ZFYVE27: variants seen among roughly 807,000 people sequenced by gnomAD.
ZFYVE27 encodes protrudin.
ZFYVE27 carries 36 observed loss-of-function variants against 52.8 expected under a neutral mutation model. The ratio of observed to expected loss-of-function variants is 0.68; its 90% confidence interval spans 0.52 to 0.90. The LOEUF is 0.90. ZFYVE27 is among the 40% of genes least tolerant of loss of function. The pLI, the probability that ZFYVE27 is intolerant of heterozygous loss-of-function variation, is 0.00. For synonymous variants in ZFYVE27, 223 were observed against 215.6 expected, an observed-to-expected ratio of 1.03 and a Z score of -0.30; for missense variants, 450 against 527.2, an observed-to-expected ratio of 0.85 and a Z score of 1.43.
chr10:97,749,626 C>T lies in ZFYVE27; in HGVS notation c.664+40C>T, dbSNP rs373224280. On this transcript the variant is annotated intron_variant, in intron 6 of 12. Coordinates refer to ENST00000684270, the MANE Select transcript of ZFYVE27 (RefSeq NM_001385875.1). ...GCCTGAAAGATGGGGCCCAAGCTGG[C>T]TCTGAGGGCTAGGCTAGGCTCCCCA... The T allele has an allele frequency of 3.9e-4, 601 of 1,539,614 alleles. 2 individuals are homozygous for T. Among genetic ancestry groups the T allele is most frequent in the Non-Finnish European group, 5.0e-4 (555 of 1,112,312 alleles).
intron 2 of ZFYVE27, among the ~76,000 whole-genome samples, chr10:97,742,536 C>A (rs1053726217): frequency 1.3e-5 from 2 of 152,112 alleles, no homozygotes; most frequent in Non-Finnish European, 2.9e-5. Context: ...AAAATAAAAT[C>A]TTTACTATTG....
chr10:97,743,835 G>T (rs1053129415), intron 3 of ZFYVE27, among the ~76,000 whole-genome samples: 1 of 152,194 alleles, frequency 6.6e-6, no homozygotes, highest in Admixed American at 6.5e-5. Flanking sequence ...AGTGCATACC[G>T]TGACCCTACC....
intron 6 of ZFYVE27, 67 bp from the exon 7 acceptor site, chr10:97,750,264 T>C: frequency 8.1e-6 from 13 of 1,596,402 alleles, no homozygotes; most frequent in Non-Finnish European, 1.1e-5. Flanking sequence ...CAGAAGTGGG[T>C]ACCCCTAAAG....
Position 97,738,674 on chromosome 10 carries a change from G to A in ZFYVE27, c.197G>A (p.Arg66Lys), listed in dbSNP as rs1406261151. 3.1e-6 allele frequency: 5 copies of A among 1,614,112 alleles called. No homozygotes were observed. The African/African-American group carries it at 6.7e-5, about 22-fold the overall frequency. ...GGTGATGGTGTTCGATACTTGCTCA[G>A]GTACAGACTTTGTGGAGTTGCTCTG... is the stretch of plus-strand genomic sequence containing the variant. ...DAGDGVRYLL[R>K]WQMPLCSLLT... Residue 66 changes from arginine to lysine, a missense_variant and splice_region_variant, in exon 2 of 13, where the codon AGG becomes AAG. By Grantham distance (26) the Arg-to-Lys change is conservative. Transcript: ENST00000684270.
At chr10:97,748,685 T>C (rs1037344786) in intron 5 of ZFYVE27, among the ~76,000 whole-genome samples, 6 of 152,234 alleles carry the variant, frequency 3.9e-5, no homozygotes, top group African/African-American at 1.2e-4. Context: ...AGTTTCATAG[T>C]GTATGTTCAA....
chr10:97,749,057 T>C (rs1243055946), intron 5 of ZFYVE27, among the ~76,000 whole-genome samples: 1 of 152,194 alleles, frequency 6.6e-6, no homozygotes, highest in Non-Finnish European at 1.5e-5. Flanking sequence ...ATCTCACTCT[T>C]ATAGTAACTC....
Position 97,759,261 on chromosome 10 carries a change from GT to G in ZFYVE27, c.1200del (p.Phe400LeufsTer10). On this transcript the variant is annotated frameshift_variant, in exon 13 of 13. Coordinates refer to ENST00000684270, the MANE Select transcript of ZFYVE27 (RefSeq NM_001385875.1). LOFTEE classifies it high-confidence loss of function. Reference sequence around the variant, plus strand: ...CCCCTGAAGCCCAGAGGGAGACTGTGTTTGTGTGTGCCTCGTGTAACCAGAC... The same window carrying G: ...CCCCTGAAGCCCAGAGGGAGACTGTGTTGTGTGTGCCTCGTGTAACCAGAC... Reference protein sequence around the residue: ...TAPEAQRETVFVCASCNQTLS... With the variant: ...TAPEAQRETVXVCASCNQTLS... 2 of 1,614,210 alleles carry G rather than the reference GT, an allele frequency of 1.2e-6. No homozygotes were observed. The highest frequency in any genetic ancestry group is 1.7e-6 in the Non-Finnish European group (2 of 1,180,034).
chr10:97,752,106 C>A (rs1352669522), intron 8 of ZFYVE27, among the ~76,000 whole-genome samples: 2 of 152,228 alleles, frequency 1.3e-5, no homozygotes, highest in Non-Finnish European at 2.9e-5. Flanking sequence ...CCCCTTTACG[C>A]AGGTCACATG....
Position 97,757,694 on chromosome 10 carries a change from A to T in ZFYVE27, c.1142A>T (p.Lys381Met). ...TTCTGCTCTCGATGCTGCTCCTTCA[A>T]GGTGCCCAAGTCCTCCATGGGGGCC... ...NSFCSRCCSF[K>M]VPKSSMGATA... The change falls in exon 12 of 13, where the codon AAG becomes ATG. Residue 381 changes from lysine to methionine, a missense_variant. Lys to Met is a moderately conservative substitution (Grantham distance 95). Coordinates refer to ENST00000684270, the MANE Select transcript of ZFYVE27 (RefSeq NM_001385875.1). 1 of 1,614,196 alleles carries T rather than the reference A, an allele frequency of 6.2e-7. No homozygotes were observed. Among genetic ancestry groups the T allele is most frequent in the Non-Finnish European group, 8.5e-7 (1 of 1,180,024 alleles).
At chr10:97,746,705 T>G (rs1259776747) in intron 4 of ZFYVE27, among the ~76,000 whole-genome samples, 1 of 151,984 alleles carries the variant, frequency 6.6e-6, no homozygotes, top group Non-Finnish European at 1.5e-5. Context: ...TTTTTTACTT[T>G]TTGAGACGGA....
rs753127260 is a variant in ZFYVE27, at chr10:97,757,720, A to G, written c.1168A>G (p.Thr390Ala). Residue 390 changes from threonine to alanine, a missense_variant, in exon 12 of 13, where the codon ACA (threonine) becomes GCA (alanine). By Grantham distance (58) the Thr-to-Ala change is moderately conservative. Coordinates refer to ENST00000684270, the MANE Select transcript of ZFYVE27 (RefSeq NM_001385875.1). ...GGTGCCCAAGTCCTCCATGGGGGCC[A>G]CAGGTGAGTGGTGCAGGTGGTGGGA... ...FKVPKSSMGATAPEAQRETVF... is the reference protein window; with the variant it reads ...FKVPKSSMGAAAPEAQRETVF... The G allele has an allele frequency of 1.2e-6, 2 of 1,614,236 alleles. No individual in the cohort carries two copies. Among genetic ancestry groups the G allele is most frequent in the Non-Finnish European group, 1.7e-6 (2 of 1,180,030 alleles).
chr10:97,757,643 G>A lies in ZFYVE27; in HGVS notation c.1091G>A (p.Arg364Gln), dbSNP rs371277197. The change falls in exon 12 of 13, where the codon CGG (arginine) becomes CAG (glutamine). Residue 364 changes from arginine to glutamine, a missense_variant and splice_region_variant. Physicochemically the swap from Arg to Gln is conservative, Grantham distance 43. Transcript: ENST00000684270. ...TCTGACCTTGGCTCTTGTCTGCAGCGGAGCTGCAGTAATTGTGGAAACAGC... is the reference window on the plus strand; with the variant it reads ...TCTGACCTTGGCTCTTGTCTGCAGCAGAGCTGCAGTAATTGTGGAAACAGC... ...SATFSVLKKR[R>Q]SCSNCGNSFC... 64 of 1,613,664 alleles carry A rather than the reference G, an allele frequency of 4.0e-5. No individual in the cohort carries two copies. Among genetic ancestry groups the A allele is most frequent in the Non-Finnish European group, 5.1e-5 (60 of 1,179,634 alleles).
intron 8 of ZFYVE27, among the ~76,000 whole-genome samples, chr10:97,752,526 A>G (rs977291821): frequency 1.3e-5 from 2 of 152,256 alleles, no homozygotes; most frequent in African/African-American, 2.4e-5. Context: ...TTAGGTCTAT[A>G]AAATATGTAA....
At chr10:97,741,953 A>G (rs2043778976) in intron 2 of ZFYVE27, among the ~76,000 whole-genome samples, 1 of 152,014 alleles carries the variant, frequency 6.6e-6, no homozygotes, top group Non-Finnish European at 1.5e-5. Flanking sequence ...CAACATAGTG[A>G]AACACCCCAT....
chr10:97,757,827 T>A, intron 12 of ZFYVE27, 104 bp downstream of exon 12: 1 of 1,175,284 alleles, frequency 8.5e-7, no homozygotes. Flanking sequence ...AACTTGGGAT[T>A]GTAGTCAGGC....
In ZFYVE27 at chr10:97,738,459, G is replaced by T; in HGVS notation, c.-1-18G>T. On this transcript the variant is annotated intron_variant, in intron 1 of 12. Transcript: ENST00000684270. The stretch of plus-strand genomic sequence containing the variant: ...ACTAGACGTGCAATGCAAATGTTGG[G>T]AATTATTATGGTTACAGGATGCAGA... 6.2e-7 allele frequency: 1 copy of T among 1,613,304 alleles called. No homozygotes were observed.
intron 1 of ZFYVE27, among the ~76,000 whole-genome samples, chr10:97,737,813 C>T (rs2042508959): frequency 6.6e-6 from 1 of 152,206 alleles, no homozygotes; most frequent in Non-Finnish European, 1.5e-5. Flanking sequence ...TGCCCTGGGG[C>T]AGAGATGGCC....
At chr10:97,756,674 C>T (rs1341813645) in intron 10 of ZFYVE27, among the ~76,000 whole-genome samples, 3 of 152,362 alleles carry the variant, frequency 2.0e-5, no homozygotes, top group African/African-American at 7.2e-5. Flanking sequence ...TCTCCCTGCT[C>T]TGCGTCCCCC....
intron 6 of ZFYVE27, 138 bp downstream of exon 6, chr10:97,749,724 C>T (rs987755139): frequency 1.4e-6 from 1 of 725,608 alleles, no homozygotes. Context: ...GGGGTCCTCT[C>T]TCATGGGCTC....
Sources: allele counts gnomAD v4.1 joint callset (sites outside exome capture counted in the v4.1 genomes callset), GRCh38; gene constraint gnomAD v4.1.1; transcripts MANE v1.5; gene names NCBI Gene and HGNC (gene_info 2026-07-23, HGNC 2026-07-21).